The following NFIB variants were observed in gnomAD, a reference collection of about 807,000 sequenced individuals.
NFIB encodes the protein nuclear factor I B, also known as nuclear factor 1 B-type.
In NFIB, 11 loss-of-function variants were observed where a neutral mutation model predicts 61.5. The observed-to-expected ratio is 0.18, with a 90% confidence interval of 0.11 to 0.30. The LOEUF (loss-of-function observed/expected upper bound fraction) is 0.30. NFIB is among the 10% of genes least tolerant of loss of function. NFIB has a pLI of 1.00. For missense variants in NFIB, 471 were observed against 608.9 expected (o/e 0.77, Z 2.38); for synonymous variants, 260 against 216.5 (o/e 1.20, Z -1.76).
At chr9:14,259,945 A>T (rs952473590) in intron 2 of NFIB, among the ~76,000 whole-genome samples, 2 of 152,140 alleles carry the variant, frequency 1.3e-5, no homozygotes, top group Non-Finnish European at 2.9e-5. Flanking sequence ...CTATTGGTGA[A>T]AAACAGATAT....
chr9:14,158,110 C>CAAAAAAAAAAAAAAAACA (rs2043665789), intron 3 of NFIB, among the ~76,000 whole-genome samples: 1 of 64,380 alleles, frequency 1.6e-5, no homozygotes, highest in Non-Finnish European at 3.3e-5. Context: ...GACTCCATCT[C>CAAAAAAAAAAAAAAAACA]AAAAAAAAAA....
At chr9:14,255,990 T>A (rs2056183837) in intron 2 of NFIB, among the ~76,000 whole-genome samples, 1 of 152,208 alleles carries the variant, frequency 6.6e-6, no homozygotes, top group Admixed American at 6.5e-5. Flanking sequence ...CCACCACCTA[T>A]TAGCTGTGTG....
intron 1 of NFIB, among the ~76,000 whole-genome samples, chr9:14,372,690 T>A (rs2061371526): frequency 6.6e-6 from 1 of 152,176 alleles, no homozygotes; most frequent in Non-Finnish European, 1.5e-5. Context: ...CCAGGAAACA[T>A]CTGTTATAAC....
At chr9:14,270,965 G>C (rs2057565158) in intron 2 of NFIB, among the ~76,000 whole-genome samples, 1 of 152,120 alleles carries the variant, frequency 6.6e-6, no homozygotes, top group African/African-American at 2.4e-5. Flanking sequence ...GTCTCAGGCT[G>C]CTGGATGAAC....
intron 1 of NFIB, among the ~76,000 whole-genome samples, chr9:14,384,330 A>T (rs1168572816): frequency 6.6e-6 from 1 of 152,218 alleles, no homozygotes; most frequent in East Asian, 1.9e-4. Context: ...ATATTCAGGT[A>T]GTAAACAGCC....
the NFIB span, among the ~76,000 whole-genome samples, chr9:14,521,958 C>T: frequency 6.6e-6 from 1 of 152,170 alleles, no homozygotes; most frequent in Non-Finnish European, 1.5e-5. Flanking sequence ...GTTTGGAATT[C>T]CCTATGAAAG....
the NFIB span, among the ~76,000 whole-genome samples, chr9:14,479,987 A>AGGAGGCAG: frequency 1.1e-3 from 161 of 151,830 alleles, 1 homozygote; most frequent in African/African-American, 3.8e-3. Flanking sequence ...AAGAAGGAGA[A>AGGAGGCAG]GGAGGCAGGG....
In NFIB at chr9:14,130,681, GA is replaced by G. The variant is rs1034992143; in HGVS notation, c.926-4916del. Among the ~76,000 whole-genome samples the G allele has an allele frequency of 4.4e-3, 654 of 148,152 alleles. 4 individuals carry two copies. The highest frequency in any genetic ancestry group is 0.015 in the African/African-American group (616 of 40,532). On this transcript the variant is annotated intron_variant, in intron 6 of 10. Coordinates refer to ENST00000380953, the MANE Select transcript of NFIB (RefSeq NM_001190737.2). ...AGAATATGCTACTTGGGAAGAGAAT[GA>G]AAAAAAAAAGTAGAAATGAAAGAAA... is the stretch of plus-strand genomic sequence containing the variant.
At chr9:14,417,468 A>G in the NFIB span, among the ~76,000 whole-genome samples, 1 of 152,338 alleles carries the variant, frequency 6.6e-6, no homozygotes, top group East Asian at 1.9e-4. Context: ...TGACTGTATC[A>G]GTCTCCTGAG....
chr9:14,358,537 A>T (rs1370662122), intron 1 of NFIB, among the ~76,000 whole-genome samples: 1 of 152,208 alleles, frequency 6.6e-6, no homozygotes, highest in Non-Finnish European at 1.5e-5. Flanking sequence ...CTAGCCTGAA[A>T]TCATTAAAAT....
intron 7 of NFIB, among the ~76,000 whole-genome samples, chr9:14,125,188 C>T (rs188049626): frequency 2.0e-4 from 30 of 152,272 alleles, no homozygotes; most frequent in African/African-American, 6.5e-4. Flanking sequence ...GATGGAGTCT[C>T]ACTCTGTCGC....
At chr9:14,337,925 G>T (rs1333553879) in intron 1 of NFIB, among the ~76,000 whole-genome samples, 1 of 152,138 alleles carries the variant, frequency 6.6e-6, no homozygotes, top group Non-Finnish European at 1.5e-5. Flanking sequence ...GTAATTTCAA[G>T]ATGTAATTGT....
chr9:14,502,108 T>A, the NFIB span, among the ~76,000 whole-genome samples: 1 of 152,178 alleles, frequency 6.6e-6, no homozygotes, highest in Non-Finnish European at 1.5e-5. Flanking sequence ...AATCCAGCAC[T>A]TAATTGTGAG....
At chr9:14,379,615 G>C (rs1165487415) in intron 1 of NFIB, among the ~76,000 whole-genome samples, 1 of 152,102 alleles carries the variant, frequency 6.6e-6, no homozygotes, top group Non-Finnish European at 1.5e-5. Context: ...GGTTACAAGA[G>C]AGCTTAATTT....
At chr9:14,242,483 T>C (rs976488460) in intron 2 of NFIB, among the ~76,000 whole-genome samples, 1 of 152,308 alleles carries the variant, frequency 6.6e-6, no homozygotes, top group East Asian at 1.9e-4. Flanking sequence ...ACATCAGAGA[T>C]GTCACTGAAG....
chr9:14,371,094 C>CA (rs1338077575), intron 1 of NFIB, among the ~76,000 whole-genome samples: 3 of 151,874 alleles, frequency 2.0e-5, no homozygotes, highest in Non-Finnish European at 4.4e-5. Flanking sequence ...GACCCTGTCT[C>CA]AAAAAAACCA....
At chr9:14,111,659 C>T (rs936154872) in intron 10 of NFIB, among the ~76,000 whole-genome samples, 2 of 151,960 alleles carry the variant, frequency 1.3e-5, no homozygotes, top group Admixed American at 6.6e-5. Flanking sequence ...CGTGTTATAA[C>T]AATTTTAGAG....
intron 10 of NFIB, among the ~76,000 whole-genome samples, chr9:14,092,438 GC>G (rs2034073777): frequency 6.6e-6 from 1 of 152,020 alleles, no homozygotes; most frequent in Non-Finnish European, 1.5e-5. Context: ...GGAAACTGAG[GC>G]AAGTTAAGTT....
At chr9:14,464,517 G>A in the NFIB span, among the ~76,000 whole-genome samples, 4 of 152,084 alleles carry the variant, frequency 2.6e-5, no homozygotes, top group African/African-American at 9.7e-5. Context: ...AAGTGTTGGA[G>A]GAAAAAGGGA....
Sources: gnomAD v4.1 joint callset for allele counts (sites outside exome capture counted in the v4.1 genomes callset) on GRCh38, gnomAD v4.1.1 for gene constraint, MANE v1.5 for transcripts, NCBI Gene and HGNC (gene_info 2026-07-23, HGNC 2026-07-21) for gene names.